MYO3A: variants seen among roughly 807,000 people sequenced by gnomAD.
MYO3A encodes the protein myosin-IIIa.
A neutral mutation model predicts 192.7 loss-of-function variants in MYO3A; 180 were observed. The observed-to-expected ratio is 0.93, with a 90% confidence interval of 0.83 to 1.06. MYO3A has a LOEUF of 1.06. Ranked by LOEUF, MYO3A falls within the 50% of genes least tolerant of loss-of-function variation. The pLI is 0.00. For missense variants in MYO3A, 1,896 were observed against 1,905.0 expected (o/e 1.00, Z 0.09); for synonymous variants, 628 against 645.3 (o/e 0.97, Z 0.41).
chr10:25,954,241 T>C (rs1204238209), intron 3 of MYO3A, among the ~76,000 whole-genome samples: 1 of 152,164 alleles, frequency 6.6e-6, no homozygotes, highest in Non-Finnish European at 1.5e-5. Flanking sequence ...CTCTTATTTA[T>C]TGCTGTATGA....
intron 8 of MYO3A, chr10:26,023,325 T>G (rs1842399159): frequency 6.6e-6 from 1 of 152,282 alleles, no homozygotes; most frequent in Non-Finnish European, 1.5e-5. Flanking sequence ...AAGCAGCACT[T>G]CAGCAAATTC....
intron 32 of MYO3A, among the ~76,000 whole-genome samples, chr10:26,194,410 G>A (rs1843306357): frequency 6.6e-6 from 1 of 152,022 alleles, no homozygotes; most frequent in South Asian, 2.1e-4. Context: ...AACTCTGCTG[G>A]TGAGCTGCAT....
At chr10:25,955,241 CA>C (rs1236655431) in intron 4 of MYO3A, among the ~76,000 whole-genome samples, 1 of 151,902 alleles carries the variant, frequency 6.6e-6, no homozygotes, top group East Asian at 1.9e-4. Flanking sequence ...AATAAAAGAC[CA>C]AATAAACTGA....
rs573334201 is a variant in MYO3A at position 26,062,515 on chromosome 10, C to CAAAAAAAAAAAAAA, written c.954-4455_954-4442dup. Among the ~76,000 whole-genome samples the CAAAAAAAAAAAAAA allele has an allele frequency of 1.2e-3, 52 of 42,222 alleles. 2 individuals are homozygous for CAAAAAAAAAAAAAA. The highest frequency in any genetic ancestry group is 2.5e-3 in the South Asian group (2 of 798). 27.7% of individuals were successfully genotyped at this position (42,222 alleles called of 152,430 possible). A position where few individuals can be genotyped will look rare whatever the true frequency, so the allele number is the denominator to read the frequency against. On this transcript the variant is annotated intron_variant, in intron 10 of 34. Coordinates refer to ENST00000642920, the MANE Select transcript of MYO3A (RefSeq NM_017433.5). ...CTGGCGACAGAGTGAGATGCCATCTCAAAAAAAAAAAAAAAAAATTATGGA... is the reference window on the plus strand; with the variant it reads ...CTGGCGACAGAGTGAGATGCCATCTCAAAAAAAAAAAAAAAAAAAAAAAAAAAAAAAATTATGGA...
At chr10:25,986,529 T>C (rs1213534216) in intron 4 of MYO3A, among the ~76,000 whole-genome samples, 2 of 152,170 alleles carry the variant, frequency 1.3e-5, no homozygotes, top group Non-Finnish European at 2.9e-5. Flanking sequence ...AAAATTGATG[T>C]ACACAAATCA....
chr10:26,210,428 C>T (rs767717766), intron 34 of MYO3A, among the ~76,000 whole-genome samples: 5 of 152,156 alleles, frequency 3.3e-5, no homozygotes, highest in African/African-American at 4.8e-5. Flanking sequence ...TCACACCCCA[C>T]GTTTAATCCA....
intron 10 of MYO3A, among the ~76,000 whole-genome samples, chr10:26,042,366 A>G (rs1437806545): frequency 1.3e-5 from 2 of 152,094 alleles, no homozygotes; most frequent in Non-Finnish European, 2.9e-5. Flanking sequence ...ATCTTTTTCT[A>G]GATTTGAGAA....
At chr10:26,082,636 A>T (rs1430024694) in intron 14 of MYO3A, among the ~76,000 whole-genome samples, 1 of 152,226 alleles carries the variant, frequency 6.6e-6, no homozygotes, top group Admixed American at 6.5e-5. Flanking sequence ...AAACATCCCT[A>T]TGATAAAGTT....
chr10:26,143,356 A>G, intron 20 of MYO3A, 92 bp from the exon 21 acceptor site: 2 of 1,334,140 alleles, frequency 1.5e-6, no homozygotes, highest in Admixed American at 2.0e-5. Context: ...AAAGGGAGCA[A>G]TTTATTTTAA....
At chr10:26,097,342 A>G (rs953647874) in intron 17 of MYO3A, among the ~76,000 whole-genome samples, 1 of 152,118 alleles carries the variant, frequency 6.6e-6, no homozygotes, top group Admixed American at 6.6e-5. Context: ...TTTTTGCAGC[A>G]TGTATCAGTA....
At chr10:26,185,427 C>T (rs925113078) in intron 31 of MYO3A, among the ~76,000 whole-genome samples, 2 of 148,618 alleles carry the variant, frequency 1.3e-5, no homozygotes, top group East Asian at 4.0e-4. Flanking sequence ...GCAACCTCTG[C>T]CCCCCAGGTT....
chr10:26,103,328 G>A (rs1390599732), intron 17 of MYO3A, among the ~76,000 whole-genome samples: 1 of 152,172 alleles, frequency 6.6e-6, no homozygotes, highest in Non-Finnish European at 1.5e-5. Context: ...CCGACCCCTT[G>A]TGCTTCCCAG....
chr10:26,169,459 A>G (rs1255917879), intron 28 of MYO3A, among the ~76,000 whole-genome samples: 1 of 149,762 alleles, frequency 6.7e-6, no homozygotes, highest in Non-Finnish European at 1.5e-5. Flanking sequence ...GGATACTTAG[A>G]GAAAAAAAAT....
chr10:26,177,309 TGAG>T (rs1842384921), intron 31 of MYO3A, among the ~76,000 whole-genome samples: 1 of 152,192 alleles, frequency 6.6e-6, no homozygotes, highest in Non-Finnish European at 1.5e-5. Context: ...ACTAAACTGG[TGAG>T]GAATTCAATC....
chr10:25,958,346 G>T (rs1837698474), intron 4 of MYO3A, among the ~76,000 whole-genome samples: 1 of 152,112 alleles, frequency 6.6e-6, no homozygotes, highest in South Asian at 2.1e-4. Flanking sequence ...ATTGAATAGG[G>T]AATCCTTTCC....
At chr10:25,965,139 T>C (rs1838179569) in intron 4 of MYO3A, among the ~76,000 whole-genome samples, 1 of 152,330 alleles carries the variant, frequency 6.6e-6, no homozygotes, top group East Asian at 1.9e-4. Context: ...GATATTGATA[T>C]CTTTCTCTAG....
chr10:26,124,004 C>T (rs925351096), intron 18 of MYO3A, among the ~76,000 whole-genome samples: 2 of 151,378 alleles, frequency 1.3e-5, no homozygotes, highest in African/African-American at 4.8e-5. Context: ...GGCAACATGG[C>T]GAAACACTAT....
At chr10:25,956,674 T>G (rs1837564391) in intron 4 of MYO3A, among the ~76,000 whole-genome samples, 1 of 152,002 alleles carries the variant, frequency 6.6e-6, no homozygotes, top group South Asian at 2.1e-4. Flanking sequence ...AGAAAATATT[T>G]GATCCTATTA....
chr10:26,012,439 C>T (rs532724181), intron 6 of MYO3A, among the ~76,000 whole-genome samples: 6 of 152,154 alleles, frequency 3.9e-5, no homozygotes, highest in Admixed American at 3.9e-4. Context: ...CCCTGCTATA[C>T]CCCAAAACGA....
Sources: gnomAD v4.1 joint callset for allele counts (sites outside exome capture counted in the v4.1 genomes callset) on GRCh38, gnomAD v4.1.1 for gene constraint, MANE v1.5 for transcripts, NCBI Gene and HGNC (gene_info 2026-07-23, HGNC 2026-07-21) for gene names.